Variants in SEMA5A observed in about 807,000 individuals in gnomAD.
SEMA5A encodes the protein semaphorin 5A.
In SEMA5A, 55 loss-of-function variants were observed where a neutral mutation model predicts 135.5. That is an observed-to-expected ratio of 0.41 (90% CI 0.33 to 0.51). The LOEUF is 0.51. Among genes scored for constraint, SEMA5A ranks in the 20% least tolerant of loss-of-function variants. The pLI is 0.37. For synonymous variants in SEMA5A, 580 were observed against 546.5 expected, an observed-to-expected ratio of 1.06 and a Z score of -0.85; for missense variants, 1,290 against 1,419.9, an observed-to-expected ratio of 0.91 and a Z score of 1.47.
At chr5:9,365,161 G>A (rs1415804807) in intron 3 of SEMA5A, among the ~76,000 whole-genome samples, 1 of 152,172 alleles carries the variant, frequency 6.6e-6, no homozygotes, top group East Asian at 1.9e-4. Flanking sequence ...CAGCTGAGGA[G>A]AAAGCTAAAC....
intron 5 of SEMA5A, among the ~76,000 whole-genome samples, chr5:9,270,444 T>C (rs376490508): frequency 1.1e-4 from 17 of 152,192 alleles, no homozygotes; most frequent in African/African-American, 3.4e-4. Flanking sequence ...CAAATCTATA[T>C]GGAAATGACA....
At chr5:9,052,061 A>G in intron 19 of SEMA5A, 33 bp from the exon 20 acceptor site, 1 of 1,530,406 alleles carries the variant, frequency 6.5e-7, no homozygotes, top group Non-Finnish European at 8.8e-7. Flanking sequence ...GATGGGGCGG[A>G]ATGGCCAGTA....
intron 16 of SEMA5A, among the ~76,000 whole-genome samples, chr5:9,084,147 C>T (rs187321041): frequency 6.9e-4 from 105 of 152,216 alleles, no homozygotes; most frequent in Admixed American, 6.9e-3. Flanking sequence ...TAGTTGGATG[C>T]AAATGTTATT....
intron 1 of SEMA5A, among the ~76,000 whole-genome samples, chr5:9,513,588 T>C (rs1736340956): frequency 6.6e-6 from 1 of 152,142 alleles, no homozygotes; most frequent in South Asian, 2.1e-4. Flanking sequence ...TTGTATGATA[T>C]TGTGGCGGCG....
chr5:9,246,322 G>A (rs923553326), intron 5 of SEMA5A, among the ~76,000 whole-genome samples: 65 of 152,114 alleles, frequency 4.3e-4, no homozygotes, highest in African/African-American at 1.5e-3. Flanking sequence ...ATCAAGCAGG[G>A]ATAAAAGTAT....
intron 10 of SEMA5A, among the ~76,000 whole-genome samples, chr5:9,191,564 T>G (rs190686624): frequency 2.8e-4 from 42 of 152,362 alleles, no homozygotes; most frequent in Admixed American, 1.4e-3. Flanking sequence ...ATGTCATGTC[T>G]AATATGTGGT....
chr5:9,226,875 G>T lies in SEMA5A; in HGVS notation c.426C>A (p.Asn142Lys). The T allele has an allele frequency of 6.2e-7, 1 of 1,603,288 alleles. No homozygotes were observed. Among genetic ancestry groups the T allele is most frequent in the Non-Finnish European group, 8.5e-7 (1 of 1,173,994 alleles). The change falls in exon 7 of 23, where the codon AAC becomes AAA. Residue 142 changes from asparagine (N) to lysine (K), a missense_variant. Asn to Lys is a moderately conservative substitution (Grantham distance 94). This residue lies in a region of SEMA5A where 145 missense variants were observed against 212.0 expected (regional missense o/e 0.68). Transcript: ENST00000382496. Reference protein sequence around the residue: ...GTNAFTPVCTNRSLSNLTEIH... With the variant: ...GTNAFTPVCTKRSLSNLTEIH... ...GCACAAAAAGAAGCCATACCGAGCG[G>T]TTGGTGCAGACAGGCGTGAATGCAT...
At chr5:9,174,200 T>TTAC (rs1413063825) in intron 11 of SEMA5A, among the ~76,000 whole-genome samples, 1 of 152,330 alleles carries the variant, frequency 6.6e-6, no homozygotes, top group African/African-American at 2.4e-5. Flanking sequence ...AAATTACAGC[T>TTAC]TACTGCAGAC....
chr5:9,054,447 A>C (rs538820122), intron 18 of SEMA5A, among the ~76,000 whole-genome samples, 190 bp from the exon 19 acceptor site: 2 of 152,192 alleles, frequency 1.3e-5, no homozygotes, highest in Non-Finnish European at 2.9e-5. Context: ...CTGCATTTGG[A>C]GTCTTCCTCT....
In SEMA5A at chr5:9,036,928, T is replaced by C. The variant is rs773550434; in HGVS notation, c.*5969A>G. ...TAGCAACATGATAAAATAGTTCCGATTTTTCAGAGTCCAGATTTTGCTCTC... is the reference window on the plus strand; with the variant it reads ...TAGCAACATGATAAAATAGTTCCGACTTTTCAGAGTCCAGATTTTGCTCTC... On this transcript the variant is annotated 3_prime_UTR_variant, in exon 23 of 23. Coordinates refer to ENST00000382496, the MANE Select transcript of SEMA5A (RefSeq NM_003966.3). 1 of 152,552 alleles carries C rather than the reference T, an allele frequency of 6.6e-6. No individual in the cohort carries two copies. Among genetic ancestry groups the C allele is most frequent in the Non-Finnish European group, 1.5e-5 (1 of 68,034 alleles). The allele number at this position is 152,552 out of a possible 1,614,324, so 9.4% of individuals were successfully genotyped here.
At chr5:9,346,220 A>G (rs184265857) in intron 3 of SEMA5A, among the ~76,000 whole-genome samples, 1 of 152,006 alleles carries the variant, frequency 6.6e-6, no homozygotes, top group Non-Finnish European at 1.5e-5. Context: ...TTGATGGTGT[A>G]ACTTTGAAGA....
chr5:9,202,893 A>T (rs1463694918), intron 8 of SEMA5A, among the ~76,000 whole-genome samples: 4 of 152,136 alleles, frequency 2.6e-5, no homozygotes, highest in African/African-American at 7.2e-5. Context: ...TGCTGGGTAA[A>T]CCATTTAGAG....
At chr5:9,381,941 T>TG (rs1259634169) in intron 2 of SEMA5A, among the ~76,000 whole-genome samples, 48 of 117,664 alleles carry the variant, frequency 4.1e-4, no homozygotes, top group African/African-American at 1.4e-3. Context: ...TTAGAATCAT[T>TG]TTGTGTGTGT....
chr5:9,182,735 A>G (rs1463173905), intron 11 of SEMA5A, among the ~76,000 whole-genome samples: 1 of 151,404 alleles, frequency 6.6e-6, no homozygotes, highest in Non-Finnish European at 1.5e-5. Context: ...TTATTTTTAT[A>G]CAATGGCGGA....
intron 1 of SEMA5A, among the ~76,000 whole-genome samples, chr5:9,450,415 A>G (rs193181456): frequency 1.3e-5 from 2 of 152,294 alleles, no homozygotes; most frequent in East Asian, 3.9e-4. Flanking sequence ...GAAATTAATG[A>G]TATTCAGTTT....
At chr5:9,147,965 C>T (rs1448194600) in intron 12 of SEMA5A, among the ~76,000 whole-genome samples, 4 of 152,168 alleles carry the variant, frequency 2.6e-5, no homozygotes, top group African/African-American at 9.7e-5. Flanking sequence ...CTTCATTGAA[C>T]TCAGAAGCAC....
intron 15 of SEMA5A, among the ~76,000 whole-genome samples, chr5:9,112,364 T>C (rs1170354757): frequency 6.6e-6 from 1 of 152,208 alleles, no homozygotes; most frequent in Non-Finnish European, 1.5e-5. Flanking sequence ...ATAAATTATG[T>C]TCCATTCTGG....
chr5:9,084,586 G>A (rs1230406954), intron 16 of SEMA5A, among the ~76,000 whole-genome samples: 1 of 152,172 alleles, frequency 6.6e-6, no homozygotes, highest in East Asian at 1.9e-4. Context: ...TGCCATGTGA[G>A]ATATGCCTTT....
chr5:9,043,190 C>G, intron 22 of SEMA5A, 174 bp from the exon 23 acceptor site: 1 of 576,760 alleles, frequency 1.7e-6, no homozygotes. Flanking sequence ...GGAGGACTTG[C>G]CTAATTACCA....
Sources: gnomAD v4.1 joint callset for allele counts (sites outside exome capture counted in the v4.1 genomes callset) on GRCh38, gnomAD v4.1.1 for gene constraint, gnomAD v4.1.1 regional missense constraint, MANE v1.5 for transcripts, NCBI Gene and HGNC (gene_info 2026-07-23, HGNC 2026-07-21) for gene names.